Variants in RGS7 observed in about 807,000 individuals in gnomAD.
RGS7 encodes regulator of G-protein signaling 7.
RGS7 carries 27 observed loss-of-function variants against 81.1 expected under a neutral mutation model. That is an observed-to-expected ratio of 0.33 (90% CI 0.25 to 0.46). The LOEUF (loss-of-function observed/expected upper bound fraction) is 0.46. RGS7 is among the 20% of genes least tolerant of loss of function. The pLI is 1.00. For missense variants in RGS7, 396 were observed against 607.4 expected, an observed-to-expected ratio of 0.65 and a Z score of 3.66; for synonymous variants, 208 against 207.7, an observed-to-expected ratio of 1.00 and a Z score of -0.01.
chr1:241,245,976 C>A (rs907760869), intron 2 of RGS7, among the ~76,000 whole-genome samples: 1 of 143,596 alleles, frequency 7.0e-6, no homozygotes, highest in East Asian at 2.1e-4. Flanking sequence ...TGGTGGCGGG[C>A]GCCTGTAGTC....
chr1:240,947,368 A>C (rs1244743038), intron 4 of RGS7, among the ~76,000 whole-genome samples: 6 of 152,204 alleles, frequency 3.9e-5, no homozygotes, highest in African/African-American at 1.4e-4. Flanking sequence ...CTCCACGTGA[A>C]TATTGAATAA....
At position 241,306,270 on chromosome 1, in the gene RGS7, TACAC is replaced by T. The variant is rs150529708; in HGVS notation, c.78+49425_78+49428del. 1.2e-3 allele frequency among the ~76,000 whole-genome samples: 174 copies of T among 147,882 alleles called. 1 individual carries two copies. The East Asian group carries it at 0.027, about 23-fold the overall frequency. ...ACATAAGCACACATGTCCACACACA[TACAC>T]ACACACCCTTACACACATACCCTCA... On this transcript the variant is annotated intron_variant, in intron 2 of 18. Coordinates refer to ENST00000440928, the MANE Select transcript of RGS7 (RefSeq NM_001364886.1).
chr1:241,248,967 G>T (rs2815867), intron 2 of RGS7, among the ~76,000 whole-genome samples: 1 of 151,924 alleles, frequency 6.6e-6, no homozygotes, highest in African/African-American at 2.4e-5. Flanking sequence ...AAAACATTTC[G>T]CCCTGTTTTT....
At chr1:241,306,110 CTT>C (rs2080097864) in intron 2 of RGS7, among the ~76,000 whole-genome samples, 1 of 142,502 alleles carries the variant, frequency 7.0e-6, no homozygotes, top group African/African-American at 2.6e-5. Context: ...TAGCTATATT[CTT>C]TCTCTCATCT....
intron 11 of RGS7, among the ~76,000 whole-genome samples, chr1:240,815,851 TAAGAAAAAACTTC>T (rs1690714880): frequency 6.6e-6 from 1 of 152,176 alleles, no homozygotes; most frequent in African/African-American, 2.4e-5. Context: ...CCAGTGGTGA[TAAGAAAAAACTTC>T]AAGAGGTAGA....
intron 2 of RGS7, among the ~76,000 whole-genome samples, chr1:241,255,585 C>T (rs929376316): frequency 6.6e-6 from 1 of 152,190 alleles, no homozygotes; most frequent in Non-Finnish European, 1.5e-5. Flanking sequence ...AGAGAAACTG[C>T]TGTCAGCATT....
intron 2 of RGS7, among the ~76,000 whole-genome samples, chr1:241,160,807 T>C (rs2069588776): frequency 6.6e-6 from 1 of 152,160 alleles, no homozygotes; most frequent in Non-Finnish European, 1.5e-5. Context: ...ATTAAATCTT[T>C]TTATTGAAAT....
intron 6 of RGS7, among the ~76,000 whole-genome samples, chr1:240,917,969 C>T (rs1308261177): frequency 6.6e-6 from 1 of 152,148 alleles, no homozygotes; most frequent in East Asian, 1.9e-4. Context: ...AAATTAATTT[C>T]AGACAAAGAC....
chr1:241,168,205 T>C (rs1049267453), intron 2 of RGS7, among the ~76,000 whole-genome samples: 13 of 152,248 alleles, frequency 8.5e-5, no homozygotes, highest in African/African-American at 2.9e-4. Context: ...GATGGGGGTA[T>C]AGGCCATGTG....
intron 2 of RGS7, among the ~76,000 whole-genome samples, chr1:241,239,011 C>T (rs1247352807): frequency 7.1e-6 from 1 of 141,748 alleles, no homozygotes; most frequent in African/African-American, 2.6e-5. Context: ...CTCTGTTGCC[C>T]AGGCTGGAGT....
At chr1:241,076,371 A>G (rs1050194495) in intron 3 of RGS7, among the ~76,000 whole-genome samples, 1 of 152,094 alleles carries the variant, frequency 6.6e-6, no homozygotes, top group Non-Finnish European at 1.5e-5. Context: ...ACTGTCTTAC[A>G]TTCCTCCCTA....
Position 240,844,291 on chromosome 1 carries a change from G to A in RGS7, c.610-17119C>T, listed in dbSNP as rs536685988. ...GGTTAGATGCTCCCCTTCCCTCCCC[G>A]ACACCTGCCCAGACACCCACAACTA... On this transcript the variant is annotated intron_variant, in intron 9 of 18. Coordinates refer to ENST00000440928, the MANE Select transcript of RGS7 (RefSeq NM_001364886.1). Among the ~76,000 whole-genome samples, 51 of 152,040 alleles carry A rather than the reference G, an allele frequency of 3.4e-4. 2 individuals are homozygous for A. In the South Asian group the frequency reaches 7.9e-3, roughly 24 times the overall value.
At chr1:240,860,679 T>G (rs751945996) in intron 9 of RGS7, among the ~76,000 whole-genome samples, 2 of 152,168 alleles carry the variant, frequency 1.3e-5, no homozygotes, top group African/African-American at 4.8e-5. Flanking sequence ...ACAGGCAAGA[T>G]AGAAGAAAGA....
intron 6 of RGS7, among the ~76,000 whole-genome samples, chr1:240,907,433 C>A (rs939817070): frequency 2.0e-5 from 3 of 151,438 alleles, no homozygotes; most frequent in African/African-American, 7.2e-5. Context: ...AATACTAAAT[C>A]GTAGAAATAA....
At chr1:241,178,741 T>C (rs2071360796) in intron 2 of RGS7, among the ~76,000 whole-genome samples, 2 of 152,230 alleles carry the variant, frequency 1.3e-5, no homozygotes, top group Admixed American at 1.3e-4. Context: ...TTCCAAAAAC[T>C]ACATATCAGG....
At chr1:240,929,758 C>T (rs1010041278) in intron 6 of RGS7, among the ~76,000 whole-genome samples, 8 of 152,202 alleles carry the variant, frequency 5.3e-5, no homozygotes, top group African/African-American at 1.9e-4. Flanking sequence ...AATCTTTCCT[C>T]TTAAGATCCA....
At chr1:240,983,034 A>G in intron 4 of RGS7, 45 bp downstream of exon 4, 1 of 1,113,104 alleles carries the variant, frequency 9.0e-7, no homozygotes, top group Non-Finnish European at 1.4e-6. Flanking sequence ...ATTTCTTAAA[A>G]CCACTAAGAA....
intron 18 of RGS7, among the ~76,000 whole-genome samples, chr1:240,794,931 C>T (rs535381875): frequency 9.2e-5 from 14 of 152,068 alleles, no homozygotes; most frequent in Non-Finnish European, 1.9e-4. Context: ...GCTTGTAATC[C>T]CAGCACTTTG....
At chr1:241,036,807 C>T (rs566148618) in intron 3 of RGS7, among the ~76,000 whole-genome samples, 1 of 152,252 alleles carries the variant, frequency 6.6e-6, no homozygotes, top group East Asian at 1.9e-4. Context: ...GACTGAGTAC[C>T]AGCCAATGTA....
Sources: allele counts gnomAD v4.1 joint callset (sites outside exome capture counted in the v4.1 genomes callset), GRCh38; gene constraint gnomAD v4.1.1; transcripts MANE v1.5; gene names NCBI Gene and HGNC (gene_info 2026-07-23, HGNC 2026-07-21).